The following CLRN1 variants were observed in gnomAD, a reference collection of about 807,000 sequenced individuals.
CLRN1 encodes clarin 1, also known as clarin-1.
A neutral mutation model predicts 18.7 loss-of-function variants in CLRN1; 15 were observed. The ratio of observed to expected loss-of-function variants is 0.80; its 90% CI spans 0.54 to 1.23. The LOEUF (loss-of-function observed/expected upper bound fraction) is 1.23. CLRN1 is among the 50% of genes most tolerant of loss of function. The pLI is 0.00. For synonymous variants in CLRN1, 104 were observed against 102.9 expected, an observed-to-expected ratio of 1.01 and a Z score of -0.07; for missense variants, 311 against 277.5, an observed-to-expected ratio of 1.12 and a Z score of -0.86.
chr3:150,947,391 C>T (rs1056946780), intron 1 of CLRN1, among the ~76,000 whole-genome samples: 1 of 152,142 alleles, frequency 6.6e-6, no homozygotes, highest in African/African-American at 2.4e-5. Context: ...AACACAGAAG[C>T]ACCCAGATTC....
At chr3:150,936,603 A>G (rs1168109398) in intron 2 of CLRN1, among the ~76,000 whole-genome samples, 2 of 152,124 alleles carry the variant, frequency 1.3e-5, no homozygotes, top group African/African-American at 4.8e-5. Flanking sequence ...TCCATCTCCA[A>G]TGTGATGGTA....
At chr3:150,951,396 G>A (rs2107967694) in intron 1 of CLRN1, among the ~76,000 whole-genome samples, 1 of 152,144 alleles carries the variant, frequency 6.6e-6, no homozygotes, top group South Asian at 2.1e-4. Flanking sequence ...GGAGTACAGT[G>A]GCTCCATTTT....
chr3:150,935,148 T>TTTA (rs1005501524), intron 2 of CLRN1, among the ~76,000 whole-genome samples: 1 of 151,886 alleles, frequency 6.6e-6, no homozygotes, highest in Non-Finnish European at 1.5e-5. Flanking sequence ...TTTATTTTAT[T>TTTA]TTATTATTAT....
chr3:150,939,119 G>A (rs1273766023), intron 2 of CLRN1, among the ~76,000 whole-genome samples: 1 of 152,136 alleles, frequency 6.6e-6, no homozygotes, highest in East Asian at 1.9e-4. Flanking sequence ...ATGATGCCAG[G>A]TCAAGACTCC....
In CLRN1 at chr3:150,943,955, C is replaced by T. The variant is rs747933341; in HGVS notation, c.254-2194G>A. ...GGGCAGGCTGAGTAAATGGGGTACC[C>T]CTGTTGGGAGTCCCATGAAGGGGTC... On this transcript the variant is annotated intron_variant, in intron 1 of 2. Coordinates refer to ENST00000327047, the MANE Select transcript of CLRN1 (RefSeq NM_174878.3). The T allele has an allele frequency of 3.2e-6, 5 of 1,575,830 alleles. No homozygotes were observed. The African/African-American group carries it at 5.4e-5, about 17-fold the overall frequency.
intron 2 of CLRN1, among the ~76,000 whole-genome samples, chr3:150,941,138 G>GTCTATCTATCTA (rs59227042): frequency 0.039 from 5,462 of 141,428 alleles, 175 homozygotes; most frequent in East Asian, 0.15. Context: ...CTGTCTGTCT[G>GTCTATCTATCTA]TCTATCTATC....
intron 2 of CLRN1, among the ~76,000 whole-genome samples, chr3:150,938,769 C>T (rs1713634279): frequency 1.3e-5 from 2 of 152,062 alleles, no homozygotes; most frequent in South Asian, 2.1e-4. Context: ...TTTATTGAGC[C>T]CATGTTTTTA....
rs570709425 is a variant in CLRN1, at chr3:150,938,868, T to A, written c.433+2714A>T. ...TATATTTGTGTGCTCAGGTTCTCCT[T>A]GCATTAGGCCTGGCCAAAGGCAGAG... On this transcript the variant is annotated intron_variant, in intron 2 of 2. Coordinates refer to ENST00000327047, the MANE Select transcript of CLRN1 (RefSeq NM_174878.3). 2.0e-5 allele frequency among the ~76,000 whole-genome samples: 3 copies of A among 152,344 alleles called. 1 individual carries two copies. In the South Asian group the frequency reaches 6.2e-4, roughly 32 times the overall value.
rs542333388 is a variant in CLRN1 at position 150,927,329 on chromosome 3, G to T, written c.*607C>A. 2 of 403,580 alleles carry T rather than the reference G, an allele frequency of 5.0e-6. No individual in the cohort carries two copies. The highest frequency in any genetic ancestry group is 3.8e-5 in the South Asian group (2 of 52,114). 25.0% of individuals were successfully genotyped at this position (403,580 alleles called of 1,614,324 possible). ...GTTAGTGACAGGGTCTCACTTTATT[G>T]CCCAGGCTGTAACTCGAACTCCTGA... On this transcript the variant is annotated 3_prime_UTR_variant, in exon 3 of 3. Transcript: ENST00000327047.
At chr3:150,932,826 T>C (rs16863076) in intron 2 of CLRN1, among the ~76,000 whole-genome samples, 3,809 of 152,210 alleles carry the variant, frequency 0.025, 152 homozygotes, top group African/African-American at 0.085. Flanking sequence ...ACAAGTGAAG[T>C]GAGTTAATAC....
rs900017728 is a variant in CLRN1, at chr3:150,927,013, T to G, written c.*923A>C. 6.8e-7 allele frequency: 1 copy of G among 1,460,786 alleles called. No individual in the cohort carries two copies. The highest frequency in any genetic ancestry group is 1.4e-5 in the African/African-American group (1 of 71,616). The allele number at this position is 1,460,786 out of a possible 1,614,324, so 90.5% of individuals were successfully genotyped here. A position where few individuals can be genotyped will look rare whatever the true frequency, so the allele number is the denominator to read the frequency against. ...TAATATAATTTTCATAATTGCATAT[T>G]AGTACTCGAGACACTATAGCTAGAA... On this transcript the variant is annotated 3_prime_UTR_variant, in exon 3 of 3. Transcript: ENST00000327047.
chr3:150,953,039 T>G (rs1405995179), intron 1 of CLRN1, among the ~76,000 whole-genome samples: 2 of 152,204 alleles, frequency 1.3e-5, no homozygotes, highest in Non-Finnish European at 2.9e-5. Flanking sequence ...AATTTGACTT[T>G]TCCTTGGTTG....
intron 2 of CLRN1, among the ~76,000 whole-genome samples, chr3:150,935,349 G>A (rs561568673): frequency 1.3e-3 from 187 of 139,462 alleles, no homozygotes; most frequent in African/African-American, 4.4e-3. Context: ...CCGTGTCCAT[G>A]TGTTCTCATC....
intron 1 of CLRN1, among the ~76,000 whole-genome samples, chr3:150,952,662 C>A (rs761814409): frequency 3.9e-5 from 6 of 152,096 alleles, no homozygotes; most frequent in Non-Finnish European, 8.8e-5. Flanking sequence ...ACCCTGATTC[C>A]ATTCATCTCC....
chr3:150,966,428 T>C lies in CLRN1; in HGVS notation c.253+6028A>G, dbSNP rs549525110. 8.5e-5 allele frequency among the ~76,000 whole-genome samples: 13 copies of C among 152,324 alleles called. No homozygotes were observed. In the East Asian group the frequency reaches 2.5e-3, roughly 29 times the overall value. ...GGAAAGTGGAGTTTTTCAGCAAGGCTTGGAAGAGGAGTTTCTTGGAAAAAC... is the reference window on the plus strand; with the variant it reads ...GGAAAGTGGAGTTTTTCAGCAAGGCCTGGAAGAGGAGTTTCTTGGAAAAAC... On this transcript the variant is annotated intron_variant, in intron 1 of 2. Coordinates refer to ENST00000327047, the MANE Select transcript of CLRN1 (RefSeq NM_174878.3).
intron 1 of CLRN1, among the ~76,000 whole-genome samples, chr3:150,943,278 C>T (rs1713964049): frequency 6.6e-6 from 1 of 152,202 alleles, no homozygotes; most frequent in South Asian, 2.1e-4. Flanking sequence ...TGTGCCCGCT[C>T]TTTCCCAATT....
intron 2 of CLRN1, among the ~76,000 whole-genome samples, chr3:150,935,183 G>A (rs1264818946): frequency 1.3e-5 from 2 of 151,762 alleles, no homozygotes; most frequent in African/African-American, 4.8e-5. Flanking sequence ...TAGGGTACGT[G>A]TGCTCAATGT....
chr3:150,972,443 A>G lies in CLRN1; in HGVS notation c.253+13T>C, dbSNP rs1559995964. 6.2e-7 allele frequency: 1 copy of G among 1,614,162 alleles called. No individual in the cohort carries two copies. The highest frequency in any genetic ancestry group is 8.5e-7 in the Non-Finnish European group (1 of 1,180,020). On this transcript the variant is annotated intron_variant, in intron 1 of 2. Coordinates refer to ENST00000327047, the MANE Select transcript of CLRN1 (RefSeq NM_174878.3). ...CTAAAGCATTAAATAACTCAAATGC[A>G]ATTGCTACTTACATGAGAACCGAAA...
chr3:150,949,830 A>G (rs1405716773), intron 1 of CLRN1, among the ~76,000 whole-genome samples: 1 of 152,224 alleles, frequency 6.6e-6, no homozygotes, highest in African/African-American at 2.4e-5. Flanking sequence ...TTCATATGGT[A>G]CCAAAAAGAG....
Sources: gnomAD v4.1 joint callset for allele counts (sites outside exome capture counted in the v4.1 genomes callset) on GRCh38, gnomAD v4.1.1 for gene constraint, MANE v1.5 for transcripts, NCBI Gene and HGNC (gene_info 2026-07-23, HGNC 2026-07-21) for gene names.